Variants in AKR1E2 observed in about 807,000 individuals in gnomAD.
AKR1E2 encodes aldo-keto reductase family 1 member E2.
AKR1E2 carries 43 observed loss-of-function variants against 41.9 expected under a neutral mutation model. That is an observed-to-expected ratio of 1.03 (90% CI 0.80 to 1.32). The LOEUF is 1.32. Ranked by LOEUF, AKR1E2 falls within the 40% of genes most tolerant of loss-of-function variation. The pLI is 0.00. For missense variants in AKR1E2, 423 were observed against 396.5 expected, an observed-to-expected ratio of 1.07 and a Z score of -0.57; for synonymous variants, 121 against 138.9, an observed-to-expected ratio of 0.87 and a Z score of 0.91.
chr10:4,870,885 C>T, the AKR1E2 span, among the ~76,000 whole-genome samples: 1 of 152,064 alleles, frequency 6.6e-6, no homozygotes, highest in Non-Finnish European at 1.5e-5. Context: ...TTCCAGCCCA[C>T]CCTTTGCTTC....
the AKR1E2 span, among the ~76,000 whole-genome samples, chr10:4,866,787 T>C: frequency 6.6e-6 from 1 of 151,904 alleles, no homozygotes; most frequent in East Asian, 1.9e-4. Context: ...CCAGGAGTGC[T>C]GAGTAGTTAG....
intron 2 of AKR1E2, 143 bp from the exon 3 acceptor site, chr10:4,833,207 C>T: frequency 8.6e-6 from 6 of 698,372 alleles, no homozygotes; most frequent in Non-Finnish European, 1.3e-5. Context: ...CCCTGTCCTC[C>T]CATCAGAACT....
At chr10:4,854,104 T>G in the AKR1E2 span, among the ~76,000 whole-genome samples, 8 of 150,970 alleles carry the variant, frequency 5.3e-5, no homozygotes, top group East Asian at 1.4e-3. Flanking sequence ...TTTTTTTTTT[T>G]TTTTTTTTAG....
At chr10:4,836,558 G>A (rs1340979131) in intron 4 of AKR1E2, among the ~76,000 whole-genome samples, 1 of 152,168 alleles carries the variant, frequency 6.6e-6, no homozygotes, top group Admixed American at 6.5e-5. Context: ...CTGAGGTTAG[G>A]ACAGAGCTTG....
downstream of AKR1E2, among the ~76,000 whole-genome samples, chr10:4,849,693 T>C (rs902600248): frequency 5.3e-5 from 8 of 152,186 alleles, no homozygotes; most frequent in African/African-American, 1.9e-4. Flanking sequence ...CAGCGCTCCA[T>C]TGCACAGTAG....
chr10:4,849,892 CTTT>C (rs764849582), downstream of AKR1E2, among the ~76,000 whole-genome samples: 1 of 152,182 alleles, frequency 6.6e-6, no homozygotes, highest in Non-Finnish European at 1.5e-5. Context: ...AGATGGCAGC[CTTT>C]TACTGTCTTT....
chr10:4,867,086 G>A, the AKR1E2 span, among the ~76,000 whole-genome samples: 1 of 152,114 alleles, frequency 6.6e-6, no homozygotes, highest in Admixed American at 6.5e-5. Flanking sequence ...GTGGGAAAGG[G>A]CTGTTACCAT....
chr10:4,837,644 A>C (rs953271154), intron 5 of AKR1E2, 63 bp downstream of exon 5: 1 of 1,577,828 alleles, frequency 6.3e-7, no homozygotes. Context: ...TGCCACCTCC[A>C]CAGGGCTCTT....
the AKR1E2 span, among the ~76,000 whole-genome samples, chr10:4,859,309 C>T: frequency 6.6e-6 from 1 of 152,136 alleles, no homozygotes; most frequent in Non-Finnish European, 1.5e-5. Flanking sequence ...AAATATCAGG[C>T]ACAACAAATG....
chr10:4,837,274 C>G (rs561832669), intron 4 of AKR1E2, among the ~76,000 whole-genome samples, 185 bp from the exon 5 acceptor site: 11 of 152,336 alleles, frequency 7.2e-5, no homozygotes, highest in Admixed American at 7.2e-4. Flanking sequence ...CCAGCATCCT[C>G]TAGCCAGAAA....
the AKR1E2 span, among the ~76,000 whole-genome samples, chr10:4,856,908 C>T: frequency 3.4e-3 from 479 of 142,956 alleles, 3 homozygotes; most frequent in African/African-American, 0.012. Flanking sequence ...TAAGTACATT[C>T]ACATTGTTGT....
rs1834433702 is a variant in AKR1E2 at position 4,847,718 on chromosome 10, A to G, written c.*188A>G. On this transcript the variant is annotated 3_prime_UTR_variant, in exon 10 of 10. Transcript: ENST00000298375. ...ATTGAGTGTGTTCTAAGTGAAGGCAATGGGGTTTCTCCAAGACAGCCTGTG... is the reference window on the plus strand; with the variant it reads ...ATTGAGTGTGTTCTAAGTGAAGGCAGTGGGGTTTCTCCAAGACAGCCTGTG... The G allele has an allele frequency of 1.6e-6, 1 of 643,808 alleles. No homozygotes were observed. The allele number at this position is 643,808 out of a possible 1,614,324, so 39.9% of individuals were successfully genotyped here.
downstream of AKR1E2, among the ~76,000 whole-genome samples, chr10:4,849,010 C>G (rs12415438): frequency 6.6e-6 from 1 of 152,194 alleles, no homozygotes; most frequent in African/African-American, 2.4e-5. Context: ...CCCTGCCCAG[C>G]CTTCCAGATG....
intron 8 of AKR1E2, chr10:4,846,183 G>T (rs1834321808): frequency 3.9e-6 from 1 of 255,144 alleles, no homozygotes; most frequent in East Asian, 9.8e-5. Context: ...CCTGCCCTCA[G>T]GAGGGGAAGG....
the AKR1E2 span, among the ~76,000 whole-genome samples, chr10:4,862,732 A>G: frequency 6.6e-6 from 1 of 152,016 alleles, no homozygotes; most frequent in African/African-American, 2.4e-5. Flanking sequence ...GCTCTCCGTT[A>G]GACACACATA....
chr10:4,847,469 T>C lies in AKR1E2; in HGVS notation c.921-19T>C, dbSNP rs1476854106. ...ATCATTCTTTGTTCCTATTTTTGAT[T>C]TGTTTTTCTGTTTTTCAGAACTAAA... is the stretch of plus-strand genomic sequence containing the variant. On this transcript the variant is annotated intron_variant, in intron 9 of 9. Transcript: ENST00000298375. The C allele has an allele frequency of 6.2e-7, 1 of 1,610,504 alleles. No individual in the cohort carries two copies. The highest frequency in any genetic ancestry group is 1.3e-5 in the African/African-American group (1 of 74,918).
downstream of AKR1E2, among the ~76,000 whole-genome samples, chr10:4,852,377 C>T (rs1251827435): frequency 6.6e-6 from 1 of 152,144 alleles, no homozygotes; most frequent in Non-Finnish European, 1.5e-5. Flanking sequence ...GATCACGGCC[C>T]TCATTAGTGA....
In AKR1E2 at chr10:4,843,972, C is replaced by T. The variant is rs374858478; in HGVS notation, c.837+1468C>T. Among the ~76,000 whole-genome samples, 12 of 152,316 alleles carry T rather than the reference C, an allele frequency of 7.9e-5. No homozygotes were observed. The South Asian group carries it at 8.3e-4, about 11-fold the overall frequency. On this transcript the variant is annotated intron_variant, in intron 8 of 9. Coordinates refer to ENST00000298375, the MANE Select transcript of AKR1E2 (RefSeq NM_001040177.3). ...ATGGCTGCTGACGGGCCTCTTGGAACGAGACTGCAGGTCTCTTGTAGTGGT... is the reference window on the plus strand; with the variant it reads ...ATGGCTGCTGACGGGCCTCTTGGAATGAGACTGCAGGTCTCTTGTAGTGGT...
chr10:4,856,617 A>G, the AKR1E2 span, among the ~76,000 whole-genome samples: 1 of 152,084 alleles, frequency 6.6e-6, no homozygotes, highest in African/African-American at 2.4e-5. Flanking sequence ...ATGGTGTTTG[A>G]TTTTCTTTCA....
Sources: allele counts gnomAD v4.1 joint callset (sites outside exome capture counted in the v4.1 genomes callset), GRCh38; gene constraint gnomAD v4.1.1; transcripts MANE v1.5; gene names NCBI Gene and HGNC (gene_info 2026-07-23, HGNC 2026-07-21).